Variants in NPHP4 observed in about 807,000 individuals in gnomAD.
NPHP4 encodes nephrocystin-4.
A neutral mutation model predicts 155.8 loss-of-function variants in NPHP4; 151 were observed. That is an observed-to-expected ratio of 0.97 (90% CI 0.85 to 1.11). The LOEUF is 1.11. NPHP4 is among the 50% of genes least tolerant of loss of function. The probability of loss-of-function intolerance (pLI) is 0.00; values close to 1 mark genes in which losing one functional copy is unlikely to be tolerated. For missense variants in NPHP4, 1,956 were observed against 1,925.7 expected, an observed-to-expected ratio of 1.02 and a Z score of -0.29; for synonymous variants, 845 against 816.8, an observed-to-expected ratio of 1.03 and a Z score of -0.59.
chr1:5,933,717 G>A (rs1428271899), intron 9 of NPHP4, among the ~76,000 whole-genome samples: 4 of 152,138 alleles, frequency 2.6e-5, no homozygotes, highest in South Asian at 4.1e-4. Flanking sequence ...ACTCAAATCC[G>A]TCAGGAAAAT....
At chr1:5,866,247 G>A (rs762128570) in intron 26 of NPHP4, 126 bp downstream of exon 26, 140 of 731,658 alleles carry the variant, frequency 1.9e-4, no homozygotes, top group Middle Eastern at 7.0e-4. Context: ...CTCACAAAGC[G>A]AAGGCCCGAA....
In NPHP4 at chr1:5,952,825, G is replaced by A. The variant is rs780268322; in HGVS notation, c.685C>T (p.Arg229Ter). The A allele has an allele frequency of 1.3e-5, 21 of 1,600,638 alleles. No homozygotes were observed. Among genetic ancestry groups the A allele is most frequent in the Admixed American group, 3.4e-5 (2 of 58,426 alleles). Residue 229 changes from arginine to a stop codon, truncating the protein, a stop_gained, in exon 7 of 30, where the codon CGA becomes TGA. Coordinates refer to ENST00000378156, the MANE Select transcript of NPHP4 (RefSeq NM_015102.5). LOFTEE classifies it high-confidence loss of function. ...ATGGGCTTCTGGAGGCGAGGCTTTC[G>A]GAGAGCGTCGCCTGAAACAGTGAGG... ...PAHGESGDAL[R>*]KPRLQKPITG...
chr1:5,889,125 C>G lies in NPHP4; in HGVS notation c.2305-1659G>C, dbSNP rs1643980103. Among the ~76,000 whole-genome samples the G allele has an allele frequency of 6.6e-6, 1 of 152,184 alleles. No homozygotes were observed. The highest frequency in any genetic ancestry group is 2.4e-5 in the African/African-American group (1 of 41,430). On this transcript the variant is annotated intron_variant, in intron 17 of 29. Transcript: ENST00000378156. This position sits in a 1 kb window ranked among gnomAD's most constrained non-coding sequence, Gnocchi z 4.2. ...CATCGTCGTAGCAACGTGTTACGGCCAGCACCCCCAGGAAATCAACTAGAA... is the reference window on the plus strand; with the variant it reads ...CATCGTCGTAGCAACGTGTTACGGCGAGCACCCCCAGGAAATCAACTAGAA...
chr1:5,912,975 G>T (rs1280480715), intron 11 of NPHP4, among the ~76,000 whole-genome samples: 2 of 152,048 alleles, frequency 1.3e-5, no homozygotes, highest in Non-Finnish European at 2.9e-5. Flanking sequence ...ACGTGGTGAA[G>T]CCCCGTCTCT....
chr1:5,912,283 A>G (rs1350590867), intron 11 of NPHP4, among the ~76,000 whole-genome samples: 1 of 152,232 alleles, frequency 6.6e-6, no homozygotes, highest in East Asian at 1.9e-4. Context: ...TCACGCCTGT[A>G]ATCCCAGCAC....
At position 5,980,092 on chromosome 1, in the gene NPHP4, C is replaced by T. The variant is rs544918592; in HGVS notation, c.136-1679G>A. Among the ~76,000 whole-genome samples, 53 of 152,266 alleles carry T rather than the reference C, an allele frequency of 3.5e-4. 1 individual carries two copies. The South Asian group carries it at 0.011, about 30-fold the overall frequency. ...ACCTCAGAGACCACGACATGACTCT[C>T]CTTGGCCAACGCAAGCCCGTCCAGC... On this transcript the variant is annotated intron_variant, in intron 2 of 29. Coordinates refer to ENST00000378156, the MANE Select transcript of NPHP4 (RefSeq NM_015102.5).
chr1:5,921,718 T>C (rs1279559771), intron 11 of NPHP4, among the ~76,000 whole-genome samples: 1 of 152,254 alleles, frequency 6.6e-6, no homozygotes, highest in Non-Finnish European at 1.5e-5. Context: ...CTATTTCTTA[T>C]TGATTTGGAG....
chr1:5,943,918 C>T (rs140318186), intron 9 of NPHP4, among the ~76,000 whole-genome samples: 4 of 151,926 alleles, frequency 2.6e-5, no homozygotes, highest in Non-Finnish European at 4.4e-5. Flanking sequence ...CCAGGTGGAA[C>T]GGGACGGGAG....
chr1:5,870,057 G>C (rs1477804857), intron 23 of NPHP4, among the ~76,000 whole-genome samples: 2 of 152,200 alleles, frequency 1.3e-5, no homozygotes, highest in African/African-American at 4.8e-5. Flanking sequence ...TCTGCTGAGA[G>C]GGACTTAGCA....
At chr1:5,965,328 G>A (rs987307316) in intron 5 of NPHP4, among the ~76,000 whole-genome samples, 5 of 152,166 alleles carry the variant, frequency 3.3e-5, no homozygotes, top group Admixed American at 6.5e-5. Context: ...GAAGGGCCCC[G>A]CAGCAGGTTC....
chr1:5,890,841 G>A lies in NPHP4; in HGVS notation c.2304+27C>T. The A allele has an allele frequency of 2.5e-6, 4 of 1,597,354 alleles. No individual in the cohort carries two copies. Among genetic ancestry groups the A allele is most frequent in the Non-Finnish European group, 3.4e-6 (4 of 1,169,004 alleles). ...TCCCATGAGGGACGCAGCACCCACT[G>A]TGCCTGTCCTTCCAGAGAGCCGCTA... On this transcript the variant is annotated intron_variant, in intron 17 of 29. Transcript: ENST00000378156. The surrounding 1 kb of genome is among the most constrained non-coding windows in gnomAD (Gnocchi z 4.9).
intron 3 of NPHP4, among the ~76,000 whole-genome samples, chr1:5,972,464 T>C (rs1652751913): frequency 6.6e-6 from 1 of 152,210 alleles, no homozygotes; most frequent in South Asian, 2.1e-4. Flanking sequence ...GAAACTCTCA[T>C]TTGGAGTAAA....
intron 2 of NPHP4, among the ~76,000 whole-genome samples, chr1:5,982,492 T>C (rs1654866904): frequency 2.0e-5 from 3 of 152,368 alleles, no homozygotes; most frequent in South Asian, 2.1e-4. Flanking sequence ...CCTAACACCA[T>C]TTCTCAGAAT....
chr1:5,986,401 G>A, intron 1 of NPHP4, 74 bp from the exon 2 acceptor site: 1 of 1,214,642 alleles, frequency 8.2e-7, no homozygotes, highest in Non-Finnish European at 1.1e-6. Context: ...GAAGGCTTCT[G>A]CCTCCCACTA....
chr1:5,892,042 T>C lies in NPHP4; in HGVS notation c.2144-1014A>G, dbSNP rs150189845. Among the ~76,000 whole-genome samples the C allele has an allele frequency of 1.2e-4, 19 of 152,228 alleles. No individual in the cohort carries two copies. In the East Asian group the frequency reaches 3.7e-3, roughly 29 times the overall value. On this transcript the variant is annotated intron_variant, in intron 16 of 29. Transcript: ENST00000378156. This position sits in a 1 kb window ranked among gnomAD's most constrained non-coding sequence, Gnocchi z 4.5. ...GCCACAGCAGGAGCTCACGGGGGCA[T>C]CTTGGGGCAGAAAGGCAAATAAGGA...
At chr1:5,888,945 T>C (rs1442718055) in intron 17 of NPHP4, among the ~76,000 whole-genome samples, 7 of 152,150 alleles carry the variant, frequency 4.6e-5, no homozygotes. Context: ...GAGACAGAAT[T>C]AGGCTAAGAC....
chr1:5,929,909 A>C lies in NPHP4; in HGVS notation c.1303-2122T>G, dbSNP rs192701922. Among the ~76,000 whole-genome samples the C allele has an allele frequency of 4.2e-3, 639 of 152,290 alleles. 6 individuals are homozygous for C. Among genetic ancestry groups the C allele is most frequent in the African/African-American group, 0.014 (593 of 41,558 alleles). ...TATTTCTTCTTCACATGTCTAATAG[A>C]ATTCATAGTGAATAGGCCTGAATAT... On this transcript the variant is annotated intron_variant, in intron 10 of 29. Transcript: ENST00000378156.
rs553924373 is a variant in NPHP4 at position 5,951,819 on chromosome 1, G to C, written c.810+881C>G. On this transcript the variant is annotated intron_variant, in intron 7 of 29. Coordinates refer to ENST00000378156, the MANE Select transcript of NPHP4 (RefSeq NM_015102.5). ...CAGAAAATCCAAGACAACTTTTGCTGTCAGAGGTGACAGGAGCTCTAGAAA... is the reference window on the plus strand; with the variant it reads ...CAGAAAATCCAAGACAACTTTTGCTCTCAGAGGTGACAGGAGCTCTAGAAA... Among the ~76,000 whole-genome samples the C allele has an allele frequency of 5.3e-5, 8 of 152,344 alleles. No individual in the cohort carries two copies. In the South Asian group the frequency reaches 1.0e-3, roughly 20 times the overall value.
intron 3 of NPHP4, among the ~76,000 whole-genome samples, chr1:5,971,731 T>G (rs1483150711): frequency 1.3e-5 from 2 of 152,112 alleles, no homozygotes; most frequent in Non-Finnish European, 2.9e-5. Flanking sequence ...CTAGGGAAAC[T>G]TAACGAGCGC....
Sources: allele counts gnomAD v4.1 joint callset (sites outside exome capture counted in the v4.1 genomes callset), GRCh38; gene constraint gnomAD v4.1.1; non-coding constraint Gnocchi (gnomAD v3.1); transcripts MANE v1.5; gene names NCBI Gene and HGNC (gene_info 2026-07-23, HGNC 2026-07-21).